SPRYD3: variants seen among roughly 807,000 people sequenced by gnomAD.
SPRYD3 encodes the protein SPRY domain containing 3, also known as SPRY domain-containing protein 3.
In SPRYD3, 17 loss-of-function variants were observed where a neutral mutation model predicts 50.1. The observed-to-expected ratio is 0.34, with a 90% CI of 0.23 to 0.51. The LOEUF (loss-of-function observed/expected upper bound fraction) is 0.51. Among genes scored for constraint, SPRYD3 ranks in the 20% least tolerant of loss-of-function variants. SPRYD3 has a pLI of 0.97. For synonymous variants in SPRYD3, 198 were observed against 215.5 expected (o/e 0.92, Z 0.71); for missense variants, 401 against 591.2 (o/e 0.68, Z 3.34).
chr12:53,066,065 TCCAG>T (rs758395344), intron 10 of SPRYD3, 99 bp from the exon 11 acceptor site: 20 of 1,479,358 alleles, frequency 1.4e-5, no homozygotes, highest in Non-Finnish European at 1.7e-5. Flanking sequence ...CACCCCAGCT[TCCAG>T]CGGGGCTGGA....
At chr12:53,073,259 C>CCGGGGGGGGGGGGGGGGGGGGGGGGGG in intron 6 of SPRYD3, 27 bp downstream of exon 6, 1 of 400,932 alleles carries the variant, frequency 2.5e-6, no homozygotes, top group Non-Finnish European at 4.6e-6. Context: ...CGACCCAGCC[C>CCGGGGGGGGGGGGGGGGGGGGGGGGGG]CTCCCACCCT....
At chr12:53,072,874 GTGT>G (rs1944559348) in intron 6 of SPRYD3, among the ~76,000 whole-genome samples, 1 of 152,186 alleles carries the variant, frequency 6.6e-6, no homozygotes, top group Non-Finnish European at 1.5e-5. Context: ...TCCACCACAT[GTGT>G]GGACTTCTGA....
chr12:53,079,337 T>TA lies in SPRYD3; in HGVS notation c.-5dup. 1 of 1,608,106 alleles carries TA rather than the reference T, an allele frequency of 6.2e-7. No individual in the cohort carries two copies. Among genetic ancestry groups the TA allele is most frequent in the Non-Finnish European group, 8.5e-7 (1 of 1,177,626 alleles). On this transcript the variant is annotated 5_prime_UTR_variant, in exon 1 of 11. Transcript: ENST00000301463. ...GGGGCCGCCGCGTCCTCCTCATCCA[T>TA]AGGCCTCTCAGCTCCGCACACAAGC...
Position 53,079,313 on chromosome 12 carries a change from G to C in SPRYD3, c.21C>G (p.Pro7=). 6.2e-7 allele frequency: 1 copy of C among 1,607,862 alleles called. No individual in the cohort carries two copies. Among genetic ancestry groups the C allele is most frequent in the South Asian group, 1.1e-5 (1 of 90,288 alleles). ...CCCCGCCCCCGATCCCCGCCTACCG[G>C]GGCCGCCGCGTCCTCCTCATCCATA... MRRTRR[P]RFVLMNKMDD... The change falls in exon 1 of 11, where the codon CCC becomes CCG. Residue 7 remains proline (P), a splice_region_variant and synonymous_variant. Coordinates refer to ENST00000301463, the MANE Select transcript of SPRYD3 (RefSeq NM_032840.3).
intron 8 of SPRYD3, among the ~76,000 whole-genome samples, chr12:53,067,134 G>A (rs1245764464): frequency 6.7e-6 from 1 of 150,054 alleles, no homozygotes; most frequent in African/African-American, 2.5e-5. Flanking sequence ...AAAAAAATTG[G>A]AGCGAGATAT....
At chr12:53,073,256 G>GCCCCGGGGGGCCC in intron 6 of SPRYD3, 30 bp downstream of exon 6, 1 of 424,134 alleles carries the variant, frequency 2.4e-6, no homozygotes, top group Non-Finnish European at 4.4e-6. Flanking sequence ...CTCCGACCCA[G>GCCCCGGGGGGCCC]CCCCTCCCAC....
intron 5 of SPRYD3, among the ~76,000 whole-genome samples, chr12:53,073,898 T>A (rs1944569476): frequency 6.9e-6 from 1 of 145,948 alleles, no homozygotes; most frequent in African/African-American, 2.5e-5. Context: ...CACTGACAGA[T>A]TAAAAAAAAA....
intron 6 of SPRYD3, among the ~76,000 whole-genome samples, chr12:53,069,057 G>A (rs926603192): frequency 2.6e-5 from 4 of 152,042 alleles, no homozygotes; most frequent in Non-Finnish European, 4.4e-5. Context: ...GTAGGATAGG[G>A]GAGATGACTG....
intron 6 of SPRYD3, among the ~76,000 whole-genome samples, chr12:53,069,821 GCC>G (rs1944536278): frequency 6.7e-6 from 1 of 150,048 alleles, no homozygotes; most frequent in East Asian, 1.9e-4. Context: ...AGGCAGAGCA[GCC>G]CCCAGCCCAC....
intron 6 of SPRYD3, among the ~76,000 whole-genome samples, chr12:53,069,940 G>C (rs1454692527): frequency 1.3e-5 from 2 of 152,188 alleles, no homozygotes; most frequent in Admixed American, 6.5e-5. Context: ...TCCATTTCCA[G>C]AGCCAAAAGA....
chr12:53,075,853 C>T lies in SPRYD3; in HGVS notation c.171-42G>A, dbSNP rs1020051682. The T allele has an allele frequency of 1.9e-6, 3 of 1,540,810 alleles. No individual in the cohort carries two copies. The African/African-American group carries it at 4.1e-5, about 21-fold the overall frequency. ...GGGGGAATTCCATTAGCAGCCTAGC[C>T]CAAGAGTAGGGGGAGGGCCTCAGCT... is the stretch of plus-strand genomic sequence containing the variant. On this transcript the variant is annotated intron_variant, in intron 2 of 10. Coordinates refer to ENST00000301463, the MANE Select transcript of SPRYD3 (RefSeq NM_032840.3).
chr12:53,070,270 C>T (rs1032305351), intron 6 of SPRYD3, among the ~76,000 whole-genome samples: 7 of 152,180 alleles, frequency 4.6e-5, no homozygotes, highest in Admixed American at 3.9e-4. Flanking sequence ...ACCTCCTGAT[C>T]CACTCTCCTG....
At chr12:53,066,516 G>A in intron 9 of SPRYD3, 30 bp from the exon 10 acceptor site, 1 of 1,614,012 alleles carries the variant, frequency 6.2e-7, no homozygotes, top group East Asian at 2.2e-5. Flanking sequence ...GAGCTCCTGT[G>A]GTGCCTTTCC....
At chr12:53,067,908 T>C (rs1172375801) in intron 7 of SPRYD3, among the ~76,000 whole-genome samples, 2 of 152,210 alleles carry the variant, frequency 1.3e-5, no homozygotes, top group Non-Finnish European at 2.9e-5. Flanking sequence ...GCCAGAGCCA[T>C]GGCATGTCCC....
intron 1 of SPRYD3, among the ~76,000 whole-genome samples, chr12:53,078,413 T>C (rs1438392710): frequency 1.4e-5 from 2 of 147,850 alleles, no homozygotes; most frequent in Non-Finnish European, 3.0e-5. Context: ...TGCTTGAACC[T>C]GGGAGGTGGA....
chr12:53,066,094 G>A (rs1032931740), intron 10 of SPRYD3, 128 bp from the exon 11 acceptor site: 4 of 1,402,078 alleles, frequency 2.9e-6, no homozygotes, highest in Admixed American at 4.2e-5. Context: ...GGCAGTTAAG[G>A]TGTTATGGGA....
rs373732676 is a variant in SPRYD3 at position 53,068,247 on chromosome 12, G to A, written c.751C>T (p.Arg251Trp). 1.1e-5 allele frequency: 18 copies of A among 1,614,054 alleles called. No homozygotes were observed. The highest frequency in any genetic ancestry group is 1.5e-5 in the Non-Finnish European group (18 of 1,180,034). Residue 251 changes from arginine (R) to tryptophan (W), a missense_variant, in exon 7 of 11, where the codon CGG (arginine) becomes TGG (tryptophan). Arg to Trp is a moderately radical substitution (Grantham distance 101). Transcript: ENST00000301463. The part of the protein sequence containing the change: ...SIVDVGLAQA[R>W]HPLSTRSHYF... ...TGGCTGCGGGTGCTGAGTGGGTGCC[G>A]GGCCTGGGCCAGCCCCACATCCACG...
intron 6 of SPRYD3, 78 bp from the exon 7 acceptor site, chr12:53,068,382 G>T: frequency 6.5e-7 from 1 of 1,541,770 alleles, no homozygotes; most frequent in Non-Finnish European, 8.8e-7. Context: ...GGCAGTCTGG[G>T]TCCCACTTTC....
intron 7 of SPRYD3, 92 bp downstream of exon 7, chr12:53,068,063 C>A: frequency 6.8e-7 from 1 of 1,473,810 alleles, no homozygotes; most frequent in Non-Finnish European, 9.3e-7. Flanking sequence ...GCCTGGGCTC[C>A]CCTGGTTTCT....
Sources: allele counts gnomAD v4.1 joint callset (sites outside exome capture counted in the v4.1 genomes callset), GRCh38; gene constraint gnomAD v4.1.1; transcripts MANE v1.5; gene names NCBI Gene and HGNC (gene_info 2026-07-23, HGNC 2026-07-21).